The following RAB21 variants were observed in gnomAD, a reference collection of about 807,000 sequenced individuals.
RAB21 encodes RAB21, member RAS oncogene family.
Under a neutral mutation model 33.1 loss-of-function variants are expected in RAB21, and 13 were observed. The observed-to-expected ratio is 0.39, with a 90% confidence interval of 0.26 to 0.62. RAB21 has a LOEUF of 0.62. Ranked by LOEUF, RAB21 falls within the 20% of genes least tolerant of loss-of-function variation. RAB21 has a pLI of 0.48. For synonymous variants in RAB21, 91 were observed against 103.7 expected (o/e 0.88, Z 0.74); for missense variants, 234 against 279.1 (o/e 0.84, Z 1.15).
chr12:71,762,462 C>T (rs1183978812), intron 1 of RAB21, among the ~76,000 whole-genome samples: 8 of 151,968 alleles, frequency 5.3e-5, no homozygotes, highest in Non-Finnish European at 7.4e-5. Context: ...CCCGCTACCA[C>T]GCCCGGCTAA....
chr12:71,772,798 A>G (rs999922428), intron 3 of RAB21, among the ~76,000 whole-genome samples: 1 of 152,188 alleles, frequency 6.6e-6, no homozygotes, highest in African/African-American at 2.4e-5. Context: ...AATGAAACAA[A>G]AAGGTGGGGC....
Position 71,755,002 on chromosome 12 carries a change from T to G in RAB21, c.-128T>G. 3 of 883,666 alleles carry G rather than the reference T, an allele frequency of 3.4e-6. No individual in the cohort carries two copies. The highest frequency in any genetic ancestry group is 4.1e-6 in the Non-Finnish European group (3 of 733,288). The allele number at this position is 883,666 out of a possible 1,614,324, so 54.7% of individuals were successfully genotyped here. ...TTCCAGGCCTCGCCCGAGGAGGGCG[T>G]GGGGACAGCGCCCGGGTCGGCGGGG... On this transcript the variant is annotated 5_prime_UTR_variant, in exon 1 of 7. Transcript: ENST00000261263.
intron 4 of RAB21, 119 bp from the exon 5 acceptor site, chr12:71,781,912 G>C (rs1435750721): frequency 2.9e-6 from 2 of 699,656 alleles, no homozygotes; most frequent in Non-Finnish European, 4.8e-6. Flanking sequence ...TAGAAGTCTG[G>C]TGGGGATTTG....
chr12:71,782,524 C>G, intron 5 of RAB21, 46 bp from the exon 6 acceptor site: 1 of 1,343,088 alleles, frequency 7.4e-7, no homozygotes, highest in Non-Finnish European at 1.0e-6. Flanking sequence ...AAGACAAAAT[C>G]ATGAATAATA....
At position 71,791,014 on chromosome 12, in the gene RAB21, G is replaced by C. The variant is rs776293670; in HGVS notation, c.*5341G>C. On this transcript the variant is annotated 3_prime_UTR_variant, in exon 7 of 7. Coordinates refer to ENST00000261263, the MANE Select transcript of RAB21 (RefSeq NM_014999.4). ...TATTTCATTTTTTTGAGACAGTCTCGCTGTGTCACCCAGGCTGGAGTGTGG... is the reference window on the plus strand; with the variant it reads ...TATTTCATTTTTTTGAGACAGTCTCCCTGTGTCACCCAGGCTGGAGTGTGG... 1.3e-5 allele frequency: 2 copies of C among 151,632 alleles called. No individual in the cohort carries two copies. The highest frequency in any genetic ancestry group is 1.3e-4 in the Admixed American group (2 of 15,184). The allele number at this position is 151,632 out of a possible 1,614,324, so 9.4% of individuals were successfully genotyped here. A position where few individuals can be genotyped will look rare whatever the true frequency, so the allele number is the denominator to read the frequency against.
intron 1 of RAB21, among the ~76,000 whole-genome samples, chr12:71,765,378 G>A (rs556791646): frequency 5.7e-4 from 87 of 152,044 alleles, no homozygotes; most frequent in African/African-American, 1.9e-3. Flanking sequence ...CTTAGTTTAC[G>A]AACATTTTCT....
rs1883404825 is a variant in RAB21, at chr12:71,792,711, A to G, written c.*7038A>G. ...GTGCCTTCTGTATGCCCAGTGCACAAACTGCTATGTGCCCAGTGTACATAC... is the reference window on the plus strand; with the variant it reads ...GTGCCTTCTGTATGCCCAGTGCACAGACTGCTATGTGCCCAGTGTACATAC... On this transcript the variant is annotated 3_prime_UTR_variant, in exon 7 of 7. Transcript: ENST00000261263. 1 of 152,208 alleles carries G rather than the reference A, an allele frequency of 6.6e-6. No individual in the cohort carries two copies. Among genetic ancestry groups the G allele is most frequent in the Non-Finnish European group, 1.5e-5 (1 of 68,034 alleles). The allele number at this position is 152,208 out of a possible 1,614,324, so 9.4% of individuals were successfully genotyped here.
At chr12:71,781,560 A>G (rs1447488232) in intron 4 of RAB21, among the ~76,000 whole-genome samples, 1 of 152,150 alleles carries the variant, frequency 6.6e-6, no homozygotes, top group Non-Finnish European at 1.5e-5. Flanking sequence ...ACTGGTTTAT[A>G]TCATCCAGGA....
At chr12:71,784,940 A>C (rs1170490741) in intron 6 of RAB21, among the ~76,000 whole-genome samples, 3 of 151,884 alleles carry the variant, frequency 2.0e-5, no homozygotes, top group Admixed American at 2.0e-4. Flanking sequence ...CAAAAAAAAA[A>C]AACTCAGCCA....
chr12:71,783,764 A>G (rs1239339107), intron 6 of RAB21, among the ~76,000 whole-genome samples: 1 of 152,172 alleles, frequency 6.6e-6, no homozygotes, highest in Admixed American at 6.5e-5. Context: ...TTTTGATTTA[A>G]TAGGTGTGGG....
At chr12:71,780,164 T>G (rs1883176830) in intron 4 of RAB21, among the ~76,000 whole-genome samples, 1 of 152,208 alleles carries the variant, frequency 6.6e-6, no homozygotes, top group African/African-American at 2.4e-5. Flanking sequence ...CTGAATTATT[T>G]CTCCTAAATG....
Position 71,786,988 on chromosome 12 carries a change from G to T in RAB21, c.*1315G>T, listed in dbSNP as rs2137661689. ...GTTCAGTGGTATGAGCAGAGGAAGA[G>T]ATCCCAGATAGTAGCCAGTTAACCA... On this transcript the variant is annotated 3_prime_UTR_variant, in exon 7 of 7. Coordinates refer to ENST00000261263, the MANE Select transcript of RAB21 (RefSeq NM_014999.4). 1 of 152,342 alleles carries T rather than the reference G, an allele frequency of 6.6e-6. No homozygotes were observed. The highest frequency in any genetic ancestry group is 1.5e-5 in the Non-Finnish European group (1 of 68,046). The allele number at this position is 152,342 out of a possible 1,614,324, so 9.4% of individuals were successfully genotyped here. A position where few individuals can be genotyped will look rare whatever the true frequency, so the allele number is the denominator to read the frequency against.
Position 71,791,858 on chromosome 12 carries a change from A to G in RAB21, c.*6185A>G, listed in dbSNP as rs551922705. 1.3e-5 allele frequency: 2 copies of G among 152,306 alleles called. No homozygotes were observed. Among genetic ancestry groups the G allele is most frequent in the South Asian group, 4.1e-4 (2 of 4,830 alleles). 9.4% of individuals were successfully genotyped at this position (152,306 alleles called of 1,614,324 possible). The stretch of plus-strand genomic sequence containing the variant: ...ATTTACCAAGGCCAACTAGAATCAT[A>G]CTTCTTTTTCTGGAAGTTTTTTTTG... On this transcript the variant is annotated 3_prime_UTR_variant, in exon 7 of 7. Coordinates refer to ENST00000261263, the MANE Select transcript of RAB21 (RefSeq NM_014999.4).
intron 4 of RAB21, among the ~76,000 whole-genome samples, chr12:71,778,444 GA>G (rs1001323635): frequency 4.6e-5 from 7 of 152,062 alleles, no homozygotes; most frequent in Non-Finnish European, 1.0e-4. Context: ...TTTTACAGAT[GA>G]AAAAATGTGC....
Position 71,788,973 on chromosome 12 carries a change from G to A in RAB21, c.*3300G>A, listed in dbSNP as rs769483845. 1 of 151,928 alleles carries A rather than the reference G, an allele frequency of 6.6e-6. No homozygotes were observed. The highest frequency in any genetic ancestry group is 2.4e-5 in the African/African-American group (1 of 41,372). The allele number at this position is 151,928 out of a possible 1,614,324, so 9.4% of individuals were successfully genotyped here. On this transcript the variant is annotated 3_prime_UTR_variant, in exon 7 of 7. Coordinates refer to ENST00000261263, the MANE Select transcript of RAB21 (RefSeq NM_014999.4). ...GGGTGTTGCCTAAGAATACCCTAAAGCTATGGCTGTTACTGCATTGAAATC... is the reference window on the plus strand; with the variant it reads ...GGGTGTTGCCTAAGAATACCCTAAAACTATGGCTGTTACTGCATTGAAATC...
chr12:71,761,899 G>T (rs902453567), intron 1 of RAB21, among the ~76,000 whole-genome samples: 2 of 151,994 alleles, frequency 1.3e-5, no homozygotes, highest in Admixed American at 6.6e-5. Flanking sequence ...AGGAATCTTG[G>T]TTTCTTTGTT....
intron 1 of RAB21, among the ~76,000 whole-genome samples, chr12:71,758,541 G>GTGATATCATAGCTGCC (rs1322099617): frequency 6.6e-6 from 1 of 151,440 alleles, no homozygotes; most frequent in African/African-American, 2.4e-5. Flanking sequence ...TGCTCTAGTG[G>GTGATATCATAGCTGCC]TGATATCATA....
chr12:71,765,706 G>T (rs1461762892), intron 1 of RAB21, among the ~76,000 whole-genome samples: 1 of 152,002 alleles, frequency 6.6e-6, no homozygotes, highest in Non-Finnish European at 1.5e-5. Flanking sequence ...TGTTAAATAG[G>T]CTATCTTTTC....
intron 1 of RAB21, among the ~76,000 whole-genome samples, chr12:71,759,734 C>G (rs1882842319): frequency 1.3e-5 from 2 of 152,214 alleles, no homozygotes; most frequent in Non-Finnish European, 2.9e-5. Flanking sequence ...CAAATTCTTG[C>G]AGAAGACAAG....
Sources: allele counts gnomAD v4.1 joint callset (sites outside exome capture counted in the v4.1 genomes callset), GRCh38; gene constraint gnomAD v4.1.1; transcripts MANE v1.5; gene names NCBI Gene and HGNC (gene_info 2026-07-23, HGNC 2026-07-21).